TRPV3: variants seen among roughly 807,000 people sequenced by gnomAD.
TRPV3 encodes VRL-3.
Under a neutral mutation model 87.1 loss-of-function variants are expected in TRPV3, and 88 were observed. That is an observed-to-expected ratio of 1.01 (90% CI 0.85 to 1.21). TRPV3 has a LOEUF of 1.21. Among genes scored for constraint, TRPV3 ranks in the 50% most tolerant of loss-of-function variants. The pLI is 0.00. For missense variants in TRPV3, 1,054 were observed against 1,030.1 expected, an observed-to-expected ratio of 1.02 and a Z score of -0.32; for synonymous variants, 438 against 423.3, an observed-to-expected ratio of 1.03 and a Z score of -0.43.
Position 3,530,166 on chromosome 17 carries a change from T to C in TRPV3, c.1103A>G (p.Lys368Arg), listed in dbSNP as rs2074336376. ...KYILSREIKE[K>R]RLRSLSRKFT... The stretch of plus-strand genomic sequence containing the variant: ...CTTCCTGGACAGGCTCCGGAGCCGC[T>C]TCTCCTTGATCTCACGACTGAGGAT... The change falls in exon 9 of 18, where the codon AAG (lysine) becomes AGG (arginine). Residue 368 changes from lysine (K) to arginine (R), a missense_variant. Lys to Arg is a conservative substitution (Grantham distance 26). Coordinates refer to ENST00000576742, the MANE Select transcript of TRPV3 (RefSeq NM_145068.4). The surrounding 1 kb of genome is among the most constrained non-coding windows in gnomAD (Gnocchi z 4.0). 1 of 1,613,864 alleles carries C rather than the reference T, an allele frequency of 6.2e-7. No homozygotes were observed.
chr17:3,532,518 T>C, intron 8 of TRPV3, 139 bp downstream of exon 8: 1 of 1,160,350 alleles, frequency 8.6e-7, no homozygotes, highest in Non-Finnish European at 1.2e-6. Context: ...GCCACTGCAG[T>C]TCTGGACCCA....
At chr17:3,547,673 G>C (rs1165025830) in intron 2 of TRPV3, among the ~76,000 whole-genome samples, 1 of 152,096 alleles carries the variant, frequency 6.6e-6, no homozygotes, top group Non-Finnish European at 1.5e-5. Context: ...AGAGGACAGG[G>C]CTGGGAATTC....
chr17:3,545,222 C>A lies in TRPV3; in HGVS notation c.169G>T (p.Ala57Ser). 1.2e-6 allele frequency: 2 copies of A among 1,613,982 alleles called. No individual in the cohort carries two copies. The highest frequency in any genetic ancestry group is 1.7e-6 in the Non-Finnish European group (2 of 1,179,930). The part of the protein sequence containing the change: ...IEGFEPNPTV[A>S]KTSPPVFSKP... ...GAGAAGACAGGAGGAGAGGTCTTGG[C>A]AACTGTGGGGTTGGGTTCAAACCCT... The change falls in exon 3 of 18, where the codon GCC becomes TCC. Residue 57 changes from alanine to serine, a missense_variant. Transcript: ENST00000576742.
chr17:3,514,676 C>A lies in TRPV3; in HGVS notation c.2199-4G>T. 6.2e-7 allele frequency: 1 copy of A among 1,610,836 alleles called. No homozygotes were observed. The highest frequency in any genetic ancestry group is 8.5e-7 in the Non-Finnish European group (1 of 1,177,116). On this transcript the variant is annotated splice_region_variant and splice_polypyrimidine_tract_variant and intron_variant, in intron 16 of 17. Transcript: ENST00000576742. ...AGTCCACTTCACCTCATTGATCCTGCAAATGTGATAATCATTCTTACTATT... is the reference window on the plus strand; with the variant it reads ...AGTCCACTTCACCTCATTGATCCTGAAAATGTGATAATCATTCTTACTATT...
intron 2 of TRPV3, among the ~76,000 whole-genome samples, chr17:3,546,476 T>C (rs1310252315): frequency 6.6e-6 from 1 of 151,602 alleles, no homozygotes; most frequent in African/African-American, 2.4e-5. Context: ...CATAGACGCA[T>C]AGGGGAAGCA....
In TRPV3 at chr17:3,514,636, G is replaced by A. The variant is rs746226070; in HGVS notation, c.2235C>T (p.His745=). 2.7e-5 allele frequency: 43 copies of A among 1,614,036 alleles called. No individual in the cohort carries two copies. Among genetic ancestry groups the A allele is most frequent in the Middle Eastern group, 1.7e-4 (1 of 6,060 alleles). ...CCGGGTCTTCGTTAAGGAAGGAGAC[G>A]TGCGTCTTCCATTCAGTCCACTTCA... ...NEVKWTEWKT[H]VSFLNEDPGP... The change falls in exon 17 of 18, where the codon CAC becomes CAT. Residue 745 remains histidine (H), a synonymous_variant. Coordinates refer to ENST00000576742, the MANE Select transcript of TRPV3 (RefSeq NM_145068.4).
intron 16 of TRPV3, among the ~76,000 whole-genome samples, chr17:3,515,222 G>T (rs4790507): frequency 1.3e-5 from 2 of 152,002 alleles, no homozygotes; most frequent in East Asian, 1.9e-4. Context: ...TGTTTGTTAG[G>T]GTAATGATTG....
Position 3,518,909 on chromosome 17 carries a change from C to T in TRPV3, c.1811-59G>A. 1.3e-6 allele frequency: 2 copies of T among 1,550,248 alleles called. No individual in the cohort carries two copies. The highest frequency in any genetic ancestry group is 2.3e-5 in the East Asian group (1 of 44,262). On this transcript the variant is annotated intron_variant, in intron 14 of 17. Transcript: ENST00000576742. This position sits in a 1 kb window ranked among gnomAD's most constrained non-coding sequence, Gnocchi z 4.3. ...CTCTGCCTGGTAATTACTCTACAAG[C>T]TTGCGTGTATTTGCCTACATGACAA...
At chr17:3,545,586 C>T (rs2074516258) in intron 2 of TRPV3, among the ~76,000 whole-genome samples, 1 of 152,026 alleles carries the variant, frequency 6.6e-6, no homozygotes, top group Non-Finnish European at 1.5e-5. Flanking sequence ...GACACACAAG[C>T]CCCAGTAGGA....
In TRPV3 at chr17:3,518,860, C is replaced by A. The variant is rs1331039353; in HGVS notation, c.1811-10G>T. On this transcript the variant is annotated splice_polypyrimidine_tract_variant and intron_variant, in intron 14 of 17. Coordinates refer to ENST00000576742, the MANE Select transcript of TRPV3 (RefSeq NM_145068.4). This position sits in a 1 kb window ranked among gnomAD's most constrained non-coding sequence, Gnocchi z 4.3. ...ATCAGCGAGGCCAAGGCTAAGGGAA[C>A]ATAACAGGGTGCTCTCCTCAGCTCT... 6.2e-7 allele frequency: 1 copy of A among 1,609,616 alleles called. No individual in the cohort carries two copies. The highest frequency in any genetic ancestry group is 1.3e-5 in the African/African-American group (1 of 74,844).
At position 3,542,671 on chromosome 17, in the gene TRPV3, G is replaced by GAGGCC. The variant is rs761782907; in HGVS notation, c.489_493dup (p.Ser165TrpfsTer10). ...CATCAGGCAGGTCTTCCCCGTGTCG[G>GAGGCC]AGGCCGTCAGCTTGTGCATGAGGAA... is the stretch of plus-strand genomic sequence containing the variant. On this transcript the variant is annotated frameshift_variant, in exon 6 of 18. Coordinates refer to ENST00000576742, the MANE Select transcript of TRPV3 (RefSeq NM_145068.4). LOFTEE classifies it high-confidence loss of function. 6.2e-7 allele frequency: 1 copy of GAGGCC among 1,613,988 alleles called. No individual in the cohort carries two copies. Among genetic ancestry groups the GAGGCC allele is most frequent in the Non-Finnish European group, 8.5e-7 (1 of 1,179,926 alleles).
At position 3,524,307 on chromosome 17, in the gene TRPV3, T is replaced by C; in HGVS notation, c.1634A>G (p.Lys545Arg). The C allele has an allele frequency of 6.2e-7, 1 of 1,614,252 alleles. No individual in the cohort carries two copies. The highest frequency in any genetic ancestry group is 2.2e-5 in the East Asian group (1 of 44,890). Reference protein sequence around the residue: ...LSVFLYLFAYKEYLACLVLAM... With the variant: ...LSVFLYLFAYREYLACLVLAM... The stretch of plus-strand genomic sequence containing the variant: ...CAGCACGAGGCAGGCGAGGTACTCT[T>C]TGTAGGCAAACAAGTACAAGAAGAC... Residue 545 changes from lysine to arginine, a missense_variant, in exon 13 of 18, where the codon AAA (lysine) becomes AGA (arginine). Lys to Arg is a conservative substitution (Grantham distance 26). Coordinates refer to ENST00000576742, the MANE Select transcript of TRPV3 (RefSeq NM_145068.4).
chr17:3,529,083 T>C, intron 9 of TRPV3, 88 bp from the exon 10 acceptor site: 1 of 1,453,634 alleles, frequency 6.9e-7, no homozygotes, highest in Non-Finnish European at 9.6e-7. Context: ...TCTGAGTCAG[T>C]GCTGCAGAAG....
At chr17:3,536,545 T>G (rs2074410998) in intron 6 of TRPV3, among the ~76,000 whole-genome samples, 1 of 151,968 alleles carries the variant, frequency 6.6e-6, no homozygotes, top group South Asian at 2.1e-4. Context: ...CCGAGATTGG[T>G]CCATTGCACT....
chr17:3,542,148 G>A (rs1418386891), intron 6 of TRPV3, among the ~76,000 whole-genome samples: 2 of 152,026 alleles, frequency 1.3e-5, no homozygotes, highest in Admixed American at 6.5e-5. Context: ...GTAGAGACGG[G>A]GTTTCACCAT....
Position 3,530,377 on chromosome 17 carries a change from G to T in TRPV3, c.1066-174C>A. The T allele has an allele frequency of 1.9e-6, 1 of 538,912 alleles. No individual in the cohort carries two copies. The highest frequency in any genetic ancestry group is 3.0e-6 in the Non-Finnish European group (1 of 329,584). The allele number at this position is 538,912 out of a possible 1,614,324, so 33.4% of individuals were successfully genotyped here. On this transcript the variant is annotated intron_variant, in intron 8 of 17. Transcript: ENST00000576742. The surrounding 1 kb of genome is among the most constrained non-coding windows in gnomAD (Gnocchi z 4.0). ...GGCCCCGTCTTTATCTGTGGAATGC[G>T]CACAAAGCTTGCTGTTCCGCCCATC... is the stretch of plus-strand genomic sequence containing the variant.
chr17:3,534,384 G>A (rs1476142100), intron 7 of TRPV3, among the ~76,000 whole-genome samples: 1 of 151,964 alleles, frequency 6.6e-6, no homozygotes, highest in Non-Finnish European at 1.5e-5. Context: ...AACAGAGTGA[G>A]ACTCCATTAA....
chr17:3,551,870 CTTTTTT>C (rs747932928), intron 2 of TRPV3, among the ~76,000 whole-genome samples: 15 of 43,352 alleles, frequency 3.5e-4, no homozygotes, highest in South Asian at 1.4e-3. Context: ...GTAATTTATT[CTTTTTT>C]TTTTTTTTTT....
chr17:3,535,704 G>T lies in TRPV3; in HGVS notation c.653C>A (p.Ala218Glu), dbSNP rs776957787. Residue 218 changes from alanine (A) to glutamate (E), a missense_variant, in exon 7 of 18, where the codon GCG becomes GAG. Physicochemically the swap from Ala to Glu is moderately radical, Grantham distance 107. Coordinates refer to ENST00000576742, the MANE Select transcript of TRPV3 (RefSeq NM_145068.4). ...YTEEAYEGQT[A>E]LNIAIERRQG... ...CCGCCGCTCGATGGCGATGTTCAGC[G>T]CCGTCTGCCCTGCGGAGCGGGCGGG... is the stretch of plus-strand genomic sequence containing the variant. 36 of 1,544,282 alleles carry T rather than the reference G, an allele frequency of 2.3e-5. No homozygotes were observed. The highest frequency in any genetic ancestry group is 2.1e-4 in the Middle Eastern group (1 of 4,702).
Sources: allele counts gnomAD v4.1 joint callset (sites outside exome capture counted in the v4.1 genomes callset), GRCh38; gene constraint gnomAD v4.1.1; non-coding constraint Gnocchi (gnomAD v3.1); transcripts MANE v1.5; gene names NCBI Gene and HGNC (gene_info 2026-07-23, HGNC 2026-07-21).